STARD13: variants seen among roughly 807,000 people sequenced by gnomAD.
The protein encoded by STARD13 is stAR-related lipid transfer protein 13.
Under a neutral mutation model 106.4 loss-of-function variants are expected in STARD13, and 62 were observed. That is an observed-to-expected ratio of 0.58 (90% confidence interval 0.48 to 0.72). The LOEUF is 0.72. Among genes scored for constraint, STARD13 ranks in the 30% least tolerant of loss-of-function variants. STARD13 has a pLI of 0.00. For synonymous variants in STARD13, 565 were observed against 553.0 expected, an observed-to-expected ratio of 1.02 and a Z score of -0.31; for missense variants, 1,387 against 1,424.0, an observed-to-expected ratio of 0.97 and a Z score of 0.42.
intron 1 of STARD13, among the ~76,000 whole-genome samples, chr13:33,183,266 C>G (rs1005053645): frequency 4.6e-5 from 7 of 152,202 alleles, no homozygotes; most frequent in Non-Finnish European, 7.3e-5. Context: ...TAGCAGAGTG[C>G]TCGGAGCTCA....
At chr13:33,152,878 A>G (rs1424170146) in intron 3 of STARD13, among the ~76,000 whole-genome samples, 1 of 152,184 alleles carries the variant, frequency 6.6e-6, no homozygotes, top group African/African-American at 2.4e-5. Flanking sequence ...CCCGTGGCCT[A>G]TAACAGAATG....
At chr13:33,482,542 G>A in the STARD13 span, among the ~76,000 whole-genome samples, 1 of 152,144 alleles carries the variant, frequency 6.6e-6, no homozygotes, top group African/African-American at 2.4e-5. Flanking sequence ...ATGCTGTGAT[G>A]AGGTTCTAAG....
At chr13:33,118,378 G>C in intron 7 of STARD13, 115 bp from the exon 8 acceptor site, 3 of 809,630 alleles carry the variant, frequency 3.7e-6, no homozygotes, top group Non-Finnish European at 6.4e-6. Context: ...AGTACATGCT[G>C]AACTACTAGT....
intron 1 of STARD13, among the ~76,000 whole-genome samples, chr13:33,307,231 T>C (rs1187943570): frequency 1.3e-5 from 2 of 152,188 alleles, no homozygotes; most frequent in African/African-American, 4.8e-5. Context: ...GTTCAATCAT[T>C]GTGGAAGACA....
chr13:33,248,431 T>G (rs866908068), intron 1 of STARD13, among the ~76,000 whole-genome samples: 3 of 152,214 alleles, frequency 2.0e-5, no homozygotes, highest in Middle Eastern at 3.2e-3. Context: ...TACTTAAAAC[T>G]GGAAGTCTAT....
At chr13:33,664,739 G>A in the STARD13 span, among the ~76,000 whole-genome samples, 1 of 152,178 alleles carries the variant, frequency 6.6e-6, no homozygotes, top group African/African-American at 2.4e-5. Context: ...CCATTCTCCT[G>A]CCTCAGCCTC....
intron 3 of STARD13, among the ~76,000 whole-genome samples, chr13:33,153,713 G>T (rs759679959): frequency 5.3e-5 from 8 of 152,208 alleles, no homozygotes; most frequent in Non-Finnish European, 8.8e-5. Context: ...GAAGTCTCTC[G>T]TGTTGATTTA....
the STARD13 span, among the ~76,000 whole-genome samples, chr13:33,638,658 T>A: frequency 6.6e-6 from 1 of 152,222 alleles, no homozygotes; most frequent in Admixed American, 6.5e-5. Context: ...AGTCTTAAGG[T>A]CTCTGTTTTA....
the STARD13 span, among the ~76,000 whole-genome samples, chr13:33,449,989 G>A: frequency 6.6e-6 from 1 of 152,044 alleles, no homozygotes; most frequent in African/African-American, 2.4e-5. Context: ...TTTGTGTGAA[G>A]TACGGGGTTT....
chr13:33,590,667 G>A, the STARD13 span, among the ~76,000 whole-genome samples: 1 of 134,214 alleles, frequency 7.5e-6, no homozygotes. Context: ...CTTGGGCACA[G>A]GAAGGGGAAC....
At chr13:33,289,855 C>A (rs903231778), upstream of STARD13, among the ~76,000 whole-genome samples, 1 of 151,544 alleles carries the variant, frequency 6.6e-6, no homozygotes, top group East Asian at 2.0e-4. Flanking sequence ...CCCCACCCCC[C>A]CAACCCTCAA....
the STARD13 span, among the ~76,000 whole-genome samples, chr13:33,500,589 A>G: frequency 4.3e-4 from 66 of 152,274 alleles, no homozygotes; most frequent in African/African-American, 1.4e-3. Flanking sequence ...AAATAAATCC[A>G]TTTTGGGTGC....
At chr13:33,371,783 CCTA>C in the STARD13 span, among the ~76,000 whole-genome samples, 1 of 152,276 alleles carries the variant, frequency 6.6e-6, no homozygotes, top group South Asian at 2.1e-4. Flanking sequence ...ACGTTTTATA[CCTA>C]ATGCATGAAC....
chr13:33,370,615 C>CT, the STARD13 span, among the ~76,000 whole-genome samples: 1 of 143,392 alleles, frequency 7.0e-6, no homozygotes, highest in African/African-American at 2.7e-5. Context: ...TTCTTTCTTT[C>CT]TTTCTTTTTT....
At chr13:33,326,826 T>C (rs995965605) in intron 1 of STARD13, among the ~76,000 whole-genome samples, 1 of 152,224 alleles carries the variant, frequency 6.6e-6, no homozygotes, top group African/African-American at 2.4e-5. Flanking sequence ...CACACTCAAG[T>C]GGTGCTCTTA....
chr13:33,550,864 CCTT>C, the STARD13 span, among the ~76,000 whole-genome samples: 1 of 152,204 alleles, frequency 6.6e-6, no homozygotes, highest in Non-Finnish European at 1.5e-5. Flanking sequence ...AACAATGTAT[CCTT>C]CTCTTTCTTC....
the STARD13 span, among the ~76,000 whole-genome samples, chr13:33,432,259 C>T: frequency 6.6e-6 from 1 of 152,088 alleles, no homozygotes; most frequent in Non-Finnish European, 1.5e-5. Flanking sequence ...ATTTTGGAAT[C>T]TTTCTTTTCT....
the STARD13 span, among the ~76,000 whole-genome samples, chr13:33,579,173 ATAAT>A: frequency 6.6e-6 from 1 of 152,142 alleles, no homozygotes; most frequent in Non-Finnish European, 1.5e-5. Flanking sequence ...AGGAAAATAA[ATAAT>A]TATGTCAAAA....
At chr13:33,363,089 T>C in the STARD13 span, among the ~76,000 whole-genome samples, 1 of 152,244 alleles carries the variant, frequency 6.6e-6, no homozygotes, top group Non-Finnish European at 1.5e-5. Flanking sequence ...CTGGGCCAAG[T>C]CACTATCACT....
Sources: allele counts gnomAD v4.1 joint callset (sites outside exome capture counted in the v4.1 genomes callset), GRCh38; gene constraint gnomAD v4.1.1; transcripts MANE v1.5; gene names NCBI Gene and HGNC (gene_info 2026-07-23, HGNC 2026-07-21).